Variants in PDK1 observed in about 807,000 individuals in gnomAD.
PDK1 encodes the protein [Pyruvate dehydrogenase (acetyl-transferring)] kinase isozyme 1, mitochondrial.
PDK1 carries 39 observed loss-of-function variants against 54.2 expected under a neutral mutation model. The observed-to-expected ratio is 0.72, with a 90% CI of 0.56 to 0.94. PDK1 has a LOEUF of 0.94. Ranked by LOEUF, PDK1 falls within the 40% of genes least tolerant of loss-of-function variation. PDK1 has a pLI of 0.00. For missense variants in PDK1, 552 were observed against 566.0 expected (o/e 0.98, Z 0.25); for synonymous variants, 221 against 207.1 (o/e 1.07, Z -0.58).
chr2:172,626,950 T>C, the PDK1 span, among the ~76,000 whole-genome samples: 1 of 152,170 alleles, frequency 6.6e-6, no homozygotes, highest in African/African-American at 2.4e-5. Flanking sequence ...ATGAAAGACA[T>C]ACAACATCAA....
chr2:172,703,920 G>A, the PDK1 span, among the ~76,000 whole-genome samples: 103 of 151,308 alleles, frequency 6.8e-4, no homozygotes, highest in Admixed American at 1.8e-3. Flanking sequence ...TTACAGGCAC[G>A]TGCCACCACA....
intron 1 of PDK1, among the ~76,000 whole-genome samples, chr2:172,557,854 A>G (rs575192586): frequency 4.0e-5 from 6 of 151,476 alleles, no homozygotes; most frequent in African/African-American, 1.5e-4. Flanking sequence ...AAACATCAAA[A>G]TTTTCCTCTT....
At chr2:172,721,526 C>T in the PDK1 span, among the ~76,000 whole-genome samples, 2 of 152,062 alleles carry the variant, frequency 1.3e-5, no homozygotes, top group East Asian at 1.9e-4. Flanking sequence ...TTAGCAGAGA[C>T]GGGGTTTCAC....
the PDK1 span, among the ~76,000 whole-genome samples, chr2:172,631,256 G>A: frequency 0.18 from 27,840 of 152,154 alleles, 2,749 homozygotes; most frequent in South Asian, 0.24. Flanking sequence ...CCATCCCATC[G>A]TATGTCATTC....
intron 6 of PDK1, among the ~76,000 whole-genome samples, chr2:172,568,491 C>T (rs747997837): frequency 3.9e-5 from 6 of 151,968 alleles, no homozygotes; most frequent in Admixed American, 3.3e-4. Flanking sequence ...GAAAAATGGG[C>T]GCATGGGTTG....
Position 172,600,827 on chromosome 2 carries a change from A to G in PDK1, c.*4858A>G, listed in dbSNP as rs1342222884. The stretch of plus-strand genomic sequence containing the variant: ...ATTCCTTGACCACATAGGCTCTTAG[A>G]CTCTTATTCTATGTTGTCTTCGTCC... On this transcript the variant is annotated 3_prime_UTR_variant, in exon 11 of 11. Transcript: ENST00000282077. 6.6e-6 allele frequency: 1 copy of G among 151,678 alleles called. No homozygotes were observed. The highest frequency in any genetic ancestry group is 2.4e-5 in the African/African-American group (1 of 41,248). 9.4% of individuals were successfully genotyped at this position (151,678 alleles called of 1,614,324 possible).
chr2:172,639,536 A>G, the PDK1 span, among the ~76,000 whole-genome samples: 10 of 152,366 alleles, frequency 6.6e-5, no homozygotes, highest in African/African-American at 2.4e-4. Flanking sequence ...AAAGCACCTA[A>G]CATAAAACCA....
chr2:172,557,127 T>C (rs892376876), intron 1 of PDK1, among the ~76,000 whole-genome samples: 3 of 152,230 alleles, frequency 2.0e-5, no homozygotes, highest in Non-Finnish European at 1.5e-5. Flanking sequence ...GATACCTGCA[T>C]GGTTGGCAAC....
chr2:172,588,378 C>A (rs1189463261), intron 9 of PDK1, among the ~76,000 whole-genome samples: 1 of 152,138 alleles, frequency 6.6e-6, no homozygotes. Context: ...GATGTGCAGC[C>A]TTGGGAAAAT....
intron 1 of PDK1, 180 bp downstream of exon 1, chr2:172,556,526 T>TGGCGGCGTAAATAACGGTG (rs768879189): frequency 1.3e-5 from 6 of 458,584 alleles, no homozygotes; most frequent in Non-Finnish European, 2.2e-5. Flanking sequence ...CGGCGCTGGC[T>TGGCGGCGTAAATAACGGTG]GGCGGCGTAA....
At chr2:172,588,327 T>TCTAA (rs1219765959) in intron 9 of PDK1, among the ~76,000 whole-genome samples, 2 of 152,214 alleles carry the variant, frequency 1.3e-5, no homozygotes, top group African/African-American at 4.8e-5. Flanking sequence ...AGACTCTGGA[T>TCTAA]CTAAACTCTT....
chr2:172,586,201 G>A, intron 8 of PDK1, 77 bp from the exon 9 acceptor site: 1 of 802,914 alleles, frequency 1.2e-6, no homozygotes, highest in East Asian at 2.6e-5. Flanking sequence ...CAGTTAAACT[G>A]TGATGCTATG....
At chr2:172,623,975 T>G in the PDK1 span, among the ~76,000 whole-genome samples, 373 of 152,272 alleles carry the variant, frequency 2.4e-3, 1 homozygote, top group Non-Finnish European at 4.4e-3. Context: ...TGGCTGTTGT[T>G]TTTGCAGCTA....
intron 8 of PDK1, among the ~76,000 whole-genome samples, chr2:172,580,516 A>C (rs1157558648): frequency 2.0e-5 from 3 of 152,200 alleles, no homozygotes; most frequent in Non-Finnish European, 2.9e-5. Context: ...AGAAGAGATT[A>C]CTTCTGTGCT....
the PDK1 span, among the ~76,000 whole-genome samples, chr2:172,669,263 G>A: frequency 6.6e-6 from 1 of 151,680 alleles, no homozygotes; most frequent in South Asian, 2.1e-4. Context: ...GTTTCACCGT[G>A]GTCTCGATCT....
the PDK1 span, among the ~76,000 whole-genome samples, chr2:172,720,773 T>G: frequency 2.0e-5 from 3 of 152,216 alleles, no homozygotes; most frequent in East Asian, 3.9e-4. Flanking sequence ...GGTTTTCATC[T>G]AGTCTTGGAG....
the PDK1 span, among the ~76,000 whole-genome samples, chr2:172,646,754 T>TTTTTTTTTTTTTTTTC: frequency 6.9e-6 from 1 of 145,890 alleles, no homozygotes; most frequent in Non-Finnish European, 1.5e-5. Flanking sequence ...TTTTTTTTTT[T>TTTTTTTTTTTTTTTTC]GAGATAGAGT....
the PDK1 span, among the ~76,000 whole-genome samples, chr2:172,711,151 A>G: frequency 1.3e-5 from 2 of 152,128 alleles, no homozygotes; most frequent in African/African-American, 4.8e-5. Context: ...CATTCCAGCA[A>G]TTGTCCTCAC....
In PDK1 at chr2:172,558,634, A is replaced by G. The variant is rs954157011; in HGVS notation, c.197-74A>G. The G allele has an allele frequency of 4.0e-5, 54 of 1,341,660 alleles. 1 individual carries two copies. The highest frequency in any genetic ancestry group is 2.5e-5 in the Admixed American group (1 of 40,472). The allele number at this position is 1,341,660 out of a possible 1,614,324, so 83.1% of individuals were successfully genotyped here. ...GGCCTTGCCGGATAACTTCCTCTCT[A>G]TTTCTCTCAGCCTCTTGCCTTCTGT... On this transcript the variant is annotated intron_variant, in intron 1 of 10. Coordinates refer to ENST00000282077, the MANE Select transcript of PDK1 (RefSeq NM_002610.5).
Sources: gnomAD v4.1 joint callset for allele counts (sites outside exome capture counted in the v4.1 genomes callset) on GRCh38, gnomAD v4.1.1 for gene constraint, MANE v1.5 for transcripts, NCBI Gene and HGNC (gene_info 2026-07-23, HGNC 2026-07-21) for gene names.